The following TAF5 variants were observed in gnomAD, a reference collection of about 807,000 sequenced individuals.
TAF5 encodes transcription initiation factor TFIID subunit 5.
In TAF5, 20 loss-of-function variants were observed where a neutral mutation model predicts 80.9. That is an observed-to-expected ratio of 0.25 (90% CI 0.17 to 0.36). The LOEUF is 0.36. TAF5 is among the 10% of genes least tolerant of loss of function. The pLI, the probability that TAF5 is intolerant of heterozygous loss-of-function variation, is 1.00. For synonymous variants in TAF5, 388 were observed against 406.4 expected (o/e 0.95, Z 0.55); for missense variants, 863 against 1,029.4 (o/e 0.84, Z 2.21).
Position 103,383,398 on chromosome 10 carries a change from G to A in TAF5, c.1664+31G>A, listed in dbSNP as rs778459312. ...ATACAAACAATAAAAATTAAATACT[G>A]CTATGTTATATTGAAATTATATAAA... On this transcript the variant is annotated intron_variant, in intron 7 of 10. Transcript: ENST00000369839. 3 of 1,553,144 alleles carry A rather than the reference G, an allele frequency of 1.9e-6. No homozygotes were observed. In the East Asian group the frequency reaches 7.1e-5, roughly 37 times the overall value.
chr10:103,383,090 C>T (rs1371984451), intron 6 of TAF5, 148 bp from the exon 7 acceptor site: 3 of 554,542 alleles, frequency 5.4e-6, no homozygotes, highest in Non-Finnish European at 9.0e-6. Context: ...TGAGATGATA[C>T]TGCCTAATTT....
At chr10:103,384,674 T>G (rs1246472998) in intron 7 of TAF5, among the ~76,000 whole-genome samples, 3 of 152,196 alleles carry the variant, frequency 2.0e-5, no homozygotes, top group African/African-American at 7.2e-5. Flanking sequence ...TTTCCATCCA[T>G]CAAGGTTTCA....
At chr10:103,381,914 C>T in intron 6 of TAF5, 73 bp downstream of exon 6, 1 of 1,568,284 alleles carries the variant, frequency 6.4e-7, no homozygotes, top group Non-Finnish European at 8.7e-7. Flanking sequence ...GGAAAATACA[C>T]AGGAGATTGT....
At chr10:103,370,411 C>T (rs1459769717) in intron 1 of TAF5, among the ~76,000 whole-genome samples, 2 of 147,476 alleles carry the variant, frequency 1.4e-5, no homozygotes, top group Non-Finnish European at 3.0e-5. Flanking sequence ...CTGCAACCTC[C>T]GCCTCCCAGG....
chr10:103,370,954 T>A (rs545398425), intron 1 of TAF5, among the ~76,000 whole-genome samples: 1 of 152,156 alleles, frequency 6.6e-6, no homozygotes, highest in South Asian at 2.1e-4. Flanking sequence ...GCAGATGTGA[T>A]TGAAGGCCGG....
In TAF5 at chr10:103,388,256, T is replaced by C. The variant is rs998404081; in HGVS notation, c.*33T>C. 1 of 1,564,110 alleles carries C rather than the reference T, an allele frequency of 6.4e-7. No homozygotes were observed. Among genetic ancestry groups the C allele is most frequent in the African/African-American group, 1.4e-5 (1 of 72,926 alleles). ...GTATTAAAGACCTTTTGGAAGCTAC[T>C]GTTTTTAAAAAGGGAGACTAAAAGC... is the stretch of plus-strand genomic sequence containing the variant. On this transcript the variant is annotated 3_prime_UTR_variant, in exon 11 of 11. Transcript: ENST00000369839.
intron 1 of TAF5, 45 bp downstream of exon 1, chr10:103,368,593 G>C: frequency 6.9e-7 from 1 of 1,447,258 alleles, no homozygotes; most frequent in Non-Finnish European, 9.0e-7. Flanking sequence ...GCGAAGGGGA[G>C]CAAGCCGGTA....
At chr10:103,375,885 CT>C (rs2093368964) in intron 2 of TAF5, among the ~76,000 whole-genome samples, 1 of 151,946 alleles carries the variant, frequency 6.6e-6, no homozygotes, top group African/African-American at 2.4e-5. Flanking sequence ...TAACAAAACC[CT>C]GTCTCTACTA....
intron 7 of TAF5, among the ~76,000 whole-genome samples, chr10:103,384,113 A>T (rs1007620270): frequency 1.3e-5 from 2 of 152,222 alleles, no homozygotes; most frequent in Non-Finnish European, 2.9e-5. Flanking sequence ...CCTGACATTA[A>T]TGGCATATTA....
At chr10:103,382,865 C>G (rs540079040) in intron 6 of TAF5, among the ~76,000 whole-genome samples, 1 of 152,002 alleles carries the variant, frequency 6.6e-6, no homozygotes, top group African/African-American at 2.4e-5. Context: ...AGGCTGGTCT[C>G]GAACTCCTCT....
intron 10 of TAF5, 136 bp downstream of exon 10, chr10:103,387,834 C>A: frequency 8.9e-7 from 1 of 1,118,260 alleles, no homozygotes; most frequent in Non-Finnish European, 1.3e-6. Context: ...CTACATCAAT[C>A]ACTTCTCAGG....
intron 2 of TAF5, 129 bp downstream of exon 2, chr10:103,373,724 T>C: frequency 1.4e-6 from 1 of 695,046 alleles, no homozygotes; most frequent in Non-Finnish European, 2.3e-6. Context: ...GAAGGAGAGG[T>C]ACCTGAGGCT....
chr10:103,368,584 C>G, intron 1 of TAF5, 36 bp downstream of exon 1: 1 of 1,444,940 alleles, frequency 6.9e-7, no homozygotes, highest in South Asian at 1.5e-5. Context: ...ACGGCCGCCG[C>G]GAAGGGGAGC....
intron 2 of TAF5, 56 bp downstream of exon 2, chr10:103,373,651 G>C: frequency 3.9e-6 from 5 of 1,298,420 alleles, no homozygotes; most frequent in East Asian, 2.5e-5. Context: ...GTGTGTGTGC[G>C]TGCATATGTT....
chr10:103,379,251 G>A (rs1391964871), intron 3 of TAF5, among the ~76,000 whole-genome samples: 3 of 152,174 alleles, frequency 2.0e-5, no homozygotes, highest in East Asian at 1.9e-4. Context: ...TTGCAGCTCC[G>A]TTCCAAGAAG....
chr10:103,386,340 G>T (rs1208843891), intron 8 of TAF5, among the ~76,000 whole-genome samples: 1 of 152,006 alleles, frequency 6.6e-6, no homozygotes, highest in East Asian at 1.9e-4. Flanking sequence ...CTACTCAGGA[G>T]GCTGAGGCAG....
intron 1 of TAF5, among the ~76,000 whole-genome samples, chr10:103,373,151 C>T (rs2093363379): frequency 6.6e-6 from 1 of 151,566 alleles, no homozygotes; most frequent in Non-Finnish European, 1.5e-5. Flanking sequence ...GAGCCGAGAT[C>T]TCCCCACCGC....
In TAF5 at chr10:103,377,555, A is replaced by AT. The variant is rs1214493465; in HGVS notation, c.798-677dup. On this transcript the variant is annotated intron_variant, in intron 2 of 10. Coordinates refer to ENST00000369839, the MANE Select transcript of TAF5 (RefSeq NM_006951.5). Reference sequence around the variant, plus strand: ...TTAAGCGTTGTAAAAACAAAAGTACATTTAAGTTTACTAGTTGTTATCAAG... The same window carrying AT: ...TTAAGCGTTGTAAAAACAAAAGTACATTTTAAGTTTACTAGTTGTTATCAAG... Among the ~76,000 whole-genome samples the AT allele has an allele frequency of 2.0e-4, 30 of 152,252 alleles. No homozygotes were observed. In the East Asian group the frequency reaches 3.3e-3, roughly 17 times the overall value.
Position 103,368,156 on chromosome 10 carries a change from C to T in TAF5, c.167C>T (p.Ser56Phe), listed in dbSNP as rs2093349473. The T allele has an allele frequency of 2.9e-6, 4 of 1,396,314 alleles. No homozygotes were observed. The South Asian group carries it at 6.3e-5, about 22-fold the overall frequency. 86.5% of individuals were successfully genotyped at this position (1,396,314 alleles called of 1,614,324 possible). A position where few individuals can be genotyped will look rare whatever the true frequency, so the allele number is the denominator to read the frequency against. Residue 56 changes from serine to phenylalanine, a missense_variant, in exon 1 of 11, where the codon TCC (serine) becomes TTC (phenylalanine). Physicochemically the swap from Ser to Phe is radical, Grantham distance 155. Around this residue, in one of 3 missense-constraint regions of TAF5, gnomAD observed 367 missense variants for 335.5 expected, o/e 1.09. Coordinates refer to ENST00000369839, the MANE Select transcript of TAF5 (RefSeq NM_006951.5). Reference sequence around the variant, plus strand: ...GGCGGGAACGTTGCGGCGTCGTCGTCCACTGGCGGGGATGGCGGGACCCCC... The same window carrying T: ...GGCGGGAACGTTGCGGCGTCGTCGTTCACTGGCGGGGATGGCGGGACCCCC... ...GGGGNVAASS[S>F]TGGDGGTPKP... is the part of the protein sequence containing the mutation.
Sources: gnomAD v4.1 joint callset for allele counts (sites outside exome capture counted in the v4.1 genomes callset) on GRCh38, gnomAD v4.1.1 for gene constraint, gnomAD v4.1.1 regional missense constraint, MANE v1.5 for transcripts, NCBI Gene and HGNC (gene_info 2026-07-23, HGNC 2026-07-21) for gene names.